MEGF9: variants seen among roughly 807,000 people sequenced by gnomAD.
MEGF9 encodes multiple EGF like domains 9.
MEGF9 carries 6 observed loss-of-function variants against 46.8 expected under a neutral mutation model. The observed-to-expected ratio is 0.13, with a 90% confidence interval of 0.07 to 0.25. The LOEUF is 0.25. MEGF9 is among the 10% of genes least tolerant of loss of function. The pLI, the probability that MEGF9 is intolerant of heterozygous loss-of-function variation, is 1.00. For synonymous variants in MEGF9, 302 were observed against 330.7 expected (o/e 0.91, Z 0.94); for missense variants, 683 against 792.4 (o/e 0.86, Z 1.66).
At chr9:120,662,323 C>T (rs761946125) in intron 1 of MEGF9, among the ~76,000 whole-genome samples, 2 of 152,194 alleles carry the variant, frequency 1.3e-5, no homozygotes, top group Admixed American at 6.5e-5. Context: ...TCTTGGAATG[C>T]TCTTTTTCAC....
In MEGF9 at chr9:120,714,262, C is replaced by A. The variant is rs1393145313; in HGVS notation, c.97G>T (p.Ala33Ser). 3.1e-5 allele frequency: 37 copies of A among 1,182,726 alleles called. No individual in the cohort carries two copies. The Middle Eastern group carries it at 6.4e-4, about 21-fold the overall frequency. The allele number at this position is 1,182,726 out of a possible 1,614,324, so 73.3% of individuals were successfully genotyped here. Reference protein sequence around the residue: ...CAAAAAAAAVASAASAGNVTG... With the variant: ...CAAAAAAAAVSSAASAGNVTG... ...ACATTCCCCGCCGAGGCGGCTGAGG[C>A]GACGGCGGCGGCGGCGGCGGCGGCG... Residue 33 changes from alanine (A) to serine (S), a missense_variant, in exon 1 of 6, where the codon GCC (alanine) becomes TCC (serine). By Grantham distance (99) the Ala-to-Ser change is moderately conservative (BLOSUM62 1). Transcript: ENST00000373930.
At chr9:120,621,094 T>C (rs575441363) in intron 3 of MEGF9, among the ~76,000 whole-genome samples, 93 of 152,332 alleles carry the variant, frequency 6.1e-4, no homozygotes, top group African/African-American at 2.2e-3. Context: ...AAAACTAAGA[T>C]CAGAAGTTAA....
intron 4 of MEGF9, among the ~76,000 whole-genome samples, chr9:120,612,104 G>T (rs1238310372): frequency 2.6e-5 from 4 of 152,066 alleles, no homozygotes; most frequent in South Asian, 4.1e-4. Context: ...ACATTATTCG[G>T]TATCTAGGAG....
chr9:120,713,958 G>C lies in MEGF9; in HGVS notation c.401C>G (p.Ser134Trp), dbSNP rs2043965650. 1 of 1,384,492 alleles carries C rather than the reference G, an allele frequency of 7.2e-7. No individual in the cohort carries two copies. The highest frequency in any genetic ancestry group is 2.8e-5 in the Admixed American group (1 of 36,092). 85.8% of individuals were successfully genotyped at this position (1,384,492 alleles called of 1,614,324 possible). A position where few individuals can be genotyped will look rare whatever the true frequency, so the allele number is the denominator to read the frequency against. The change falls in exon 1 of 6, where the codon TCG (serine) becomes TGG (tryptophan). Residue 134 changes from serine (S) to tryptophan (W), a missense_variant. Ser to Trp is a radical substitution (Grantham distance 177). Coordinates refer to ENST00000373930, the MANE Select transcript of MEGF9 (RefSeq NM_001080497.3). ...TCTGGTCGGCGCCTGAGAGGTGGTC[G>C]AAGTGCGTTCCGCCGCCGGAGGGGT... ...PTTPPAAERT[S>W]TTSQAPTRPA... is the part of the protein sequence containing the mutation.
chr9:120,702,598 G>T (rs906605032), intron 1 of MEGF9, among the ~76,000 whole-genome samples: 1 of 152,180 alleles, frequency 6.6e-6, no homozygotes, highest in Non-Finnish European at 1.5e-5. Flanking sequence ...ACATTTTAAT[G>T]TAAGTTCATA....
At chr9:120,663,746 A>T (rs1298193098) in intron 1 of MEGF9, among the ~76,000 whole-genome samples, 1 of 152,236 alleles carries the variant, frequency 6.6e-6, no homozygotes, top group Non-Finnish European at 1.5e-5. Flanking sequence ...ATATGGAATA[A>T]ACTCTTTATC....
intron 4 of MEGF9, among the ~76,000 whole-genome samples, chr9:120,609,573 T>C (rs1053143165): frequency 1.3e-5 from 2 of 152,218 alleles, no homozygotes; most frequent in African/African-American, 4.8e-5. Context: ...ATGTATCTAC[T>C]GAGTAATTTC....
chr9:120,699,171 G>T (rs977444296), intron 1 of MEGF9, among the ~76,000 whole-genome samples: 4 of 152,146 alleles, frequency 2.6e-5, no homozygotes, highest in African/African-American at 9.7e-5. Flanking sequence ...TAATTTAAAT[G>T]TGGTGAATTT....
chr9:120,709,344 C>T (rs893882171), intron 1 of MEGF9, among the ~76,000 whole-genome samples: 5 of 151,362 alleles, frequency 3.3e-5, no homozygotes, highest in South Asian at 2.1e-4. Flanking sequence ...AACCACGAGG[C>T]GGAGGTTGCA....
chr9:120,692,272 T>C (rs1197389084), intron 1 of MEGF9, among the ~76,000 whole-genome samples: 2 of 152,156 alleles, frequency 1.3e-5, no homozygotes, highest in South Asian at 2.1e-4. Flanking sequence ...ATTGGTAGCT[T>C]TGTCAAGTCT....
At chr9:120,651,377 G>A (rs1213064076) in intron 2 of MEGF9, among the ~76,000 whole-genome samples, 1 of 152,174 alleles carries the variant, frequency 6.6e-6, no homozygotes, top group African/African-American at 2.4e-5. Flanking sequence ...CCAGCATAGT[G>A]GATAGGAGTA....
At chr9:120,692,349 A>G (rs1475581165) in intron 1 of MEGF9, among the ~76,000 whole-genome samples, 1 of 152,240 alleles carries the variant, frequency 6.6e-6, no homozygotes, top group Non-Finnish European at 1.5e-5. Context: ...TGTTTGCTTA[A>G]TAACAGAAGA....
intron 1 of MEGF9, among the ~76,000 whole-genome samples, chr9:120,671,458 AAGG>A (rs1167277957): frequency 1.6e-4 from 24 of 152,356 alleles, no homozygotes; most frequent in African/African-American, 5.5e-4. Context: ...ATGAAGAATG[AAGG>A]AGAAGACATC....
intron 1 of MEGF9, among the ~76,000 whole-genome samples, chr9:120,679,059 C>G (rs1195984157): frequency 6.6e-6 from 1 of 152,208 alleles, no homozygotes; most frequent in East Asian, 1.9e-4. Flanking sequence ...TTTTAGAAGA[C>G]AGTGTGGCAA....
chr9:120,646,513 G>A (rs1587983197), intron 2 of MEGF9, among the ~76,000 whole-genome samples: 1 of 152,026 alleles, frequency 6.6e-6, no homozygotes, highest in African/African-American at 2.4e-5. Context: ...TTTCACTTCT[G>A]TATGTCTAAA....
chr9:120,701,193 C>T (rs1352579798), intron 1 of MEGF9, among the ~76,000 whole-genome samples: 1 of 151,070 alleles, frequency 6.6e-6, no homozygotes, highest in Non-Finnish European at 1.5e-5. Context: ...TTGTAGTTAA[C>T]AATGCTACTA....
intron 2 of MEGF9, among the ~76,000 whole-genome samples, chr9:120,650,930 TACTC>T (rs1300639509): frequency 6.6e-6 from 1 of 152,236 alleles, no homozygotes; most frequent in Non-Finnish European, 1.5e-5. Context: ...TTAATTTACT[TACTC>T]CTGTTCTTTT....
chr9:120,668,227 T>C (rs1036689473), intron 1 of MEGF9, among the ~76,000 whole-genome samples: 1 of 152,216 alleles, frequency 6.6e-6, no homozygotes, highest in Admixed American at 6.5e-5. Context: ...TTGAGAGTCT[T>C]ACTCTAGAGT....
At chr9:120,631,986 G>A (rs1365562429) in intron 2 of MEGF9, among the ~76,000 whole-genome samples, 2 of 151,946 alleles carry the variant, frequency 1.3e-5, no homozygotes, top group African/African-American at 4.8e-5. Flanking sequence ...GGAGTGCAGT[G>A]ATGCGATCTC....
Sources: allele counts gnomAD v4.1 joint callset (sites outside exome capture counted in the v4.1 genomes callset), GRCh38; gene constraint gnomAD v4.1.1; transcripts MANE v1.5; gene names NCBI Gene and HGNC (gene_info 2026-07-23, HGNC 2026-07-21).